Variants in COL23A1 observed in about 807,000 individuals in gnomAD.
COL23A1 encodes collagen type XXIII alpha 1 chain, also known as collagen alpha-1(XXIII) chain.
A neutral mutation model predicts 99.3 loss-of-function variants in COL23A1; 97 were observed. The ratio of observed to expected loss-of-function variants is 0.98; its 90% confidence interval spans 0.83 to 1.16. The LOEUF is 1.16. Ranked by LOEUF, COL23A1 falls within the 50% of genes most tolerant of loss-of-function variation. COL23A1 has a pLI of 0.00. For missense variants in COL23A1, 762 were observed against 757.4 expected, an observed-to-expected ratio of 1.01 and a Z score of -0.07; for synonymous variants, 320 against 308.2, an observed-to-expected ratio of 1.04 and a Z score of -0.40.
Position 178,306,646 on chromosome 5 carries a change from G to T in COL23A1, c.406+229C>A, listed in dbSNP as rs1290656002. Among the ~76,000 whole-genome samples the T allele has an allele frequency of 2.6e-5, 4 of 151,580 alleles. No homozygotes were observed. The highest frequency in any genetic ancestry group is 4.4e-5 in the Non-Finnish European group (3 of 67,852). ...CAACGAGGTTCGGGGGATGACTGGG[G>T]GCAGAGGGGACAGTCCTGGAATTGT... On this transcript the variant is annotated intron_variant, in intron 3 of 28. Transcript: ENST00000390654. The surrounding 1 kb of genome is among the most constrained non-coding windows in gnomAD (Gnocchi z 4.1).
intron 2 of COL23A1, among the ~76,000 whole-genome samples, chr5:178,498,205 A>AATATATATATATAT (rs1159261586): frequency 1.2e-4 from 4 of 34,706 alleles, no homozygotes; most frequent in Admixed American, 3.6e-4. Flanking sequence ...TCTTTATTTA[A>AATATATATATATAT]ATATATATAT....
At chr5:178,249,059 A>C in intron 19 of COL23A1, 58 bp downstream of exon 19, 1 of 1,558,724 alleles carries the variant, frequency 6.4e-7, no homozygotes, top group Non-Finnish European at 8.8e-7. Flanking sequence ...GGGGGCACAC[A>C]GTCACCTCAG....
At chr5:178,490,820 T>TAAAC (rs1757893816) in intron 2 of COL23A1, among the ~76,000 whole-genome samples, 1 of 152,118 alleles carries the variant, frequency 6.6e-6, no homozygotes, top group Non-Finnish European at 1.5e-5. Flanking sequence ...GTTATGTATG[T>TAAAC]TTTACCACAG....
At chr5:178,344,985 C>A in intron 2 of COL23A1, 2 of 585,466 alleles carry the variant, frequency 3.4e-6, no homozygotes, top group South Asian at 1.5e-5. Context: ...AAAAAGGAAC[C>A]TATTGCAGTG....
In COL23A1 at chr5:178,544,236, A is replaced by C; in HGVS notation, c.361+16446T>G. 6.8e-6 allele frequency among the ~76,000 whole-genome samples: 1 copy of C among 146,630 alleles called. No individual in the cohort carries two copies. The highest frequency in any genetic ancestry group is 1.5e-5 in the Non-Finnish European group (1 of 66,672). On this transcript the variant is annotated intron_variant, in intron 2 of 28. Coordinates refer to ENST00000390654, the MANE Select transcript of COL23A1 (RefSeq NM_173465.4). The surrounding 1 kb of genome is among the most constrained non-coding windows in gnomAD (Gnocchi z 4.4). ...CCTTCCTTCCCCTTCCCACCCCACC[A>C]CCTCCCACTGAAGTAAAGGGACTAG...
At chr5:178,506,746 C>T (rs1411047996) in intron 2 of COL23A1, among the ~76,000 whole-genome samples, 1 of 152,198 alleles carries the variant, frequency 6.6e-6, no homozygotes, top group Non-Finnish European at 1.5e-5. Context: ...CTTATGGTCA[C>T]ATATGTAAAT....
intron 2 of COL23A1, among the ~76,000 whole-genome samples, chr5:178,532,670 G>A (rs1760711963): frequency 6.6e-6 from 1 of 152,194 alleles, no homozygotes; most frequent in African/African-American, 2.4e-5. Context: ...CCAGAAAAAT[G>A]CACGTGTTGA....
At chr5:178,578,243 GCA>G (rs944013902) in intron 1 of COL23A1, among the ~76,000 whole-genome samples, 7 of 151,238 alleles carry the variant, frequency 4.6e-5, no homozygotes, top group African/African-American at 1.2e-4. Flanking sequence ...CATACTCCTG[GCA>G]CACACGTGCA....
intron 2 of COL23A1, among the ~76,000 whole-genome samples, chr5:178,330,050 C>T (rs555951136): frequency 8.5e-5 from 13 of 152,212 alleles, no homozygotes; most frequent in Middle Eastern, 6.9e-3. Context: ...ATCCAGGCGG[C>T]GGAGGCCTGG....
intron 2 of COL23A1, among the ~76,000 whole-genome samples, chr5:178,531,837 C>T (rs1760668318): frequency 6.6e-6 from 1 of 152,218 alleles, no homozygotes; most frequent in Non-Finnish European, 1.5e-5. Flanking sequence ...CGATCCCTGC[C>T]CCGGCATCCT....
chr5:178,356,908 C>G (rs1442541547), intron 2 of COL23A1, among the ~76,000 whole-genome samples: 2 of 152,112 alleles, frequency 1.3e-5, no homozygotes, highest in Admixed American at 6.5e-5. Context: ...CCCAGCACAC[C>G]CGTGCCCACC....
rs916777528 is a variant in COL23A1 at position 178,251,897 on chromosome 5, T to G, written c.1014+647A>C. Among the ~76,000 whole-genome samples the G allele has an allele frequency of 4.1e-5, 6 of 146,564 alleles. No homozygotes were observed. In the East Asian group the frequency reaches 1.2e-3, roughly 30 times the overall value. ...TTTCTTTTCTTTCTTTCTCTCTCTTTCATTTTCTTTTCTTTTTTTTTTTTT... is the reference window on the plus strand; with the variant it reads ...TTTCTTTTCTTTCTTTCTCTCTCTTGCATTTTCTTTTCTTTTTTTTTTTTT... On this transcript the variant is annotated intron_variant, in intron 17 of 28. Coordinates refer to ENST00000390654, the MANE Select transcript of COL23A1 (RefSeq NM_173465.4).
At chr5:178,324,249 C>T (rs1470947654) in intron 2 of COL23A1, among the ~76,000 whole-genome samples, 3 of 152,158 alleles carry the variant, frequency 2.0e-5, no homozygotes, top group South Asian at 2.1e-4. Flanking sequence ...AACAAGTTCA[C>T]ACGCTATGCC....
At chr5:178,542,266 C>T (rs1278485496) in intron 2 of COL23A1, among the ~76,000 whole-genome samples, 2 of 152,160 alleles carry the variant, frequency 1.3e-5, no homozygotes, top group Non-Finnish European at 2.9e-5. Context: ...GTTGGCCAGG[C>T]TGGTCTCGCC....
chr5:178,344,931 C>G (rs1760878061), intron 2 of COL23A1: 5 of 674,738 alleles, frequency 7.4e-6, no homozygotes, highest in Non-Finnish European at 1.3e-5. Context: ...GGGTCTCGAT[C>G]CAGAAAAGAG....
At chr5:178,501,714 C>A (rs1042036197) in intron 2 of COL23A1, among the ~76,000 whole-genome samples, 1 of 152,214 alleles carries the variant, frequency 6.6e-6, no homozygotes, top group Non-Finnish European at 1.5e-5. Context: ...CGCCAACACC[C>A]CTGCTGGGGT....
chr5:178,249,957 TTCTC>T (rs2127536914), intron 18 of COL23A1, 100 bp downstream of exon 18: 6 of 1,398,016 alleles, frequency 4.3e-6, no homozygotes, highest in Admixed American at 1.7e-5. Flanking sequence ...CACATGGTGT[TTCTC>T]TAACTCTGTG....
At chr5:178,277,200 TAAAAA>T (rs61628732) in intron 5 of COL23A1, among the ~76,000 whole-genome samples, 4 of 137,606 alleles carry the variant, frequency 2.9e-5, no homozygotes, top group Non-Finnish European at 4.7e-5. Context: ...ACCTCATCTC[TAAAAA>T]AAAAAAAAAA....
At chr5:178,324,673 C>T (rs562698945) in intron 2 of COL23A1, among the ~76,000 whole-genome samples, 12 of 152,348 alleles carry the variant, frequency 7.9e-5, no homozygotes, top group African/African-American at 2.9e-4. Flanking sequence ...GGTTCCGCCC[C>T]AGGTGGTCCG....
Sources: allele counts gnomAD v4.1 joint callset (sites outside exome capture counted in the v4.1 genomes callset), GRCh38; gene constraint gnomAD v4.1.1; non-coding constraint Gnocchi (gnomAD v3.1); transcripts MANE v1.5; gene names NCBI Gene and HGNC (gene_info 2026-07-23, HGNC 2026-07-21).